Variants in SCN9A observed in about 807,000 individuals in gnomAD.
The protein encoded by SCN9A is sodium voltage-gated channel alpha subunit 9.
In SCN9A, 131 loss-of-function variants were observed where a neutral mutation model predicts 187.0. The observed-to-expected ratio is 0.70, with a 90% CI of 0.61 to 0.81. The LOEUF (loss-of-function observed/expected upper bound fraction) is 0.81, where lower values mean the gene tolerates loss of function less well. SCN9A is among the 30% of genes least tolerant of loss of function. SCN9A has a pLI of 0.00. For synonymous variants in SCN9A, 809 were observed against 808.6 expected, an observed-to-expected ratio of 1.00 and a Z score of -0.01; for missense variants, 2,252 against 2,396.6, an observed-to-expected ratio of 0.94 and a Z score of 1.26.
Position 166,199,530 on chromosome 2 carries a change from C to T in SCN9A, c.5109G>A (p.Leu1703=), listed in dbSNP as rs370267820. The change falls in exon 27 of 27, where the codon TTG becomes TTA. Residue 1703 remains leucine, a synonymous_variant. Coordinates refer to ENST00000642356, the MANE Select transcript of SCN9A (RefSeq NM_001365536.1). ...QITTSAGWDG[L]LAPILNSKPP... Reference sequence around the variant, plus strand: ...GCTTACTGTTAAGAATAGGTGCTAGCAATCCATCCCAGCCAGCAGAGGTTG... The same window carrying T: ...GCTTACTGTTAAGAATAGGTGCTAGTAATCCATCCCAGCCAGCAGAGGTTG... 2 of 1,614,188 alleles carry T rather than the reference C, an allele frequency of 1.2e-6. No individual in the cohort carries two copies. Among genetic ancestry groups the T allele is most frequent in the Admixed American group, 3.3e-5 (2 of 60,002 alleles).
chr2:166,349,126 A>AAAACAAACAAACAAAC (rs150473901), intron 1 of SCN9A, among the ~76,000 whole-genome samples: 1 of 150,260 alleles, frequency 6.7e-6, no homozygotes, highest in African/African-American at 2.5e-5. Flanking sequence ...AAACTCCGTC[A>AAAACAAACAAACAAAC]AAACAAACAA....
intron 24 of SCN9A, among the ~76,000 whole-genome samples, chr2:166,208,784 G>A (rs755240216): frequency 2.6e-4 from 40 of 152,326 alleles, no homozygotes; most frequent in Non-Finnish European, 5.6e-4. Flanking sequence ...AAAGCAGTAA[G>A]TGGCAACATT....
At chr2:166,245,960 T>C (rs1343937522) in intron 18 of SCN9A, among the ~76,000 whole-genome samples, 1 of 151,996 alleles carries the variant, frequency 6.6e-6, no homozygotes, top group Non-Finnish European at 1.5e-5. Context: ...TTGATCCAGT[T>C]GATATAAGGT....
chr2:166,212,738 GAA>G (rs1694152981), intron 24 of SCN9A, among the ~76,000 whole-genome samples: 1 of 152,162 alleles, frequency 6.6e-6, no homozygotes, highest in Admixed American at 6.5e-5. Flanking sequence ...ATCAGGTCAT[GAA>G]GTTTGTTTTG....
At chr2:166,258,169 G>A (rs965084021) in intron 17 of SCN9A, among the ~76,000 whole-genome samples, 3 of 151,292 alleles carry the variant, frequency 2.0e-5, no homozygotes, top group African/African-American at 7.3e-5. Context: ...CCCCATCCTA[G>A]AACTATTAAA....
chr2:166,242,767 C>G, intron 18 of SCN9A, 111 bp from the exon 19 acceptor site: 1 of 688,542 alleles, frequency 1.5e-6, no homozygotes, highest in Non-Finnish European at 2.3e-6. Context: ...CAAATAATTT[C>G]AACACCTATA....
rs1699598903 is a variant in SCN9A, at chr2:166,335,259, A to AACAACTCTAAACATAAACAAACT, written c.-50-23454_-50-23453insAGTTTGTTTATGTTTAGAGTTGT. ...AGTCACTCACAGGTACAAACTCATA[A>AACAACTCTAAACATAAACAAACT]CTAAACATAAACAAGAGTTGAGCCA... On this transcript the variant is annotated intron_variant, in intron 1 of 26. Transcript: ENST00000642356. Among the ~76,000 whole-genome samples, 10 of 152,000 alleles carry AACAACTCTAAACATAAACAAACT rather than the reference A, an allele frequency of 6.6e-5. No homozygotes were observed. The South Asian group carries it at 2.1e-3, about 32-fold the overall frequency.
chr2:166,346,052 GA>G (rs1699893335), intron 1 of SCN9A, among the ~76,000 whole-genome samples: 1 of 152,088 alleles, frequency 6.6e-6, no homozygotes. Context: ...TATGAATAAG[GA>G]ATGTCTCATT....
chr2:166,338,187 G>A (rs1403268929), intron 1 of SCN9A, among the ~76,000 whole-genome samples: 3 of 151,982 alleles, frequency 2.0e-5, no homozygotes, highest in Non-Finnish European at 4.4e-5. Flanking sequence ...AGCAGTTGTG[G>A]GAGTTGCCCT....
chr2:166,375,365 C>A (rs1436610335), intron 1 of SCN9A, among the ~76,000 whole-genome samples: 1 of 152,160 alleles, frequency 6.6e-6, no homozygotes, highest in Admixed American at 6.5e-5. Context: ...ACTCTGCTAG[C>A]GTAAACAGAA....
intron 26 of SCN9A, among the ~76,000 whole-genome samples, chr2:166,202,538 C>A (rs913961246): frequency 3.3e-5 from 5 of 151,718 alleles, no homozygotes; most frequent in Non-Finnish European, 7.4e-5. Flanking sequence ...TTATTACCCA[C>A]ACTACATAAA....
rs376655646 is a variant in SCN9A at position 166,251,919 on chromosome 2, C to A, written c.3352-34G>T. ...GAATTCACCACCCCACCAGGTAGTTCATTTAGAGTTCATTCAAATATGATA... is the reference window on the plus strand; with the variant it reads ...GAATTCACCACCCCACCAGGTAGTTAATTTAGAGTTCATTCAAATATGATA... On this transcript the variant is annotated intron_variant, in intron 17 of 26. Transcript: ENST00000642356. 1.7e-5 allele frequency: 27 copies of A among 1,608,872 alleles called. No individual in the cohort carries two copies. In the African/African-American group the frequency reaches 3.6e-4, roughly 22 times the overall value.
At chr2:166,209,676 C>A (rs770145813) in intron 24 of SCN9A, among the ~76,000 whole-genome samples, 1 of 152,068 alleles carries the variant, frequency 6.6e-6, no homozygotes, top group African/African-American at 2.4e-5. Context: ...CAAAAGAAGA[C>A]ATTTATGCAG....
At chr2:166,258,126 G>T (rs1184391908) in intron 17 of SCN9A, among the ~76,000 whole-genome samples, 2 of 151,346 alleles carry the variant, frequency 1.3e-5, no homozygotes, top group Non-Finnish European at 3.0e-5. Flanking sequence ...ATTATAAAAA[G>T]GAGTCAAGAT....
At position 166,233,425 on chromosome 2, in the gene SCN9A, T is replaced by TGGCCA; in HGVS notation, c.3838_3839insTGGCC (p.Tyr1280LeufsTer15). 6.3e-7 allele frequency: 1 copy of TGGCCA among 1,577,608 alleles called. No individual in the cohort carries two copies. The highest frequency in any genetic ancestry group is 2.3e-5 in the East Asian group (1 of 42,644). ...GGATTTAATGGGGCCAAGATCTGAG[T>TGGCCA]AGCCAAGAGTGTTTGCCACTAAAGT... On this transcript the variant is annotated frameshift_variant, in exon 21 of 27. Coordinates refer to ENST00000642356, the MANE Select transcript of SCN9A (RefSeq NM_001365536.1). LOFTEE classifies it high-confidence loss of function.
chr2:166,280,893 T>G (rs1030782000), intron 13 of SCN9A, among the ~76,000 whole-genome samples: 2 of 152,158 alleles, frequency 1.3e-5, no homozygotes. Flanking sequence ...GAGAACTATG[T>G]TTCCTTAACA....
Position 166,266,747 on chromosome 2 carries a change from TTA to T in SCN9A, c.3351+5650_3351+5651del, listed in dbSNP as rs561404985. On this transcript the variant is annotated intron_variant, in intron 17 of 26. Coordinates refer to ENST00000642356, the MANE Select transcript of SCN9A (RefSeq NM_001365536.1). Reference sequence around the variant, plus strand: ...CTCTTCAATTTCTCTCACCAATATTTTATAGTTTTCATTGTAAATATATTTCA... The same window carrying T: ...CTCTTCAATTTCTCTCACCAATATTTTAGTTTTCATTGTAAATATATTTCA... Among the ~76,000 whole-genome samples, 286 of 152,040 alleles carry T rather than the reference TTA, an allele frequency of 1.9e-3. 2 individuals carry two copies. Among genetic ancestry groups the T allele is most frequent in the Middle Eastern group, 6.8e-3 (2 of 294 alleles).
Position 166,303,189 on chromosome 2 carries a change from T to G in SCN9A, c.802A>C (p.Met268Leu). Reference protein sequence around the residue: ...VFALIGLQLFMGNLKHKCFRN... With the variant: ...VFALIGLQLFLGNLKHKCFRN... ...AAACATTTATGCTTCAGGTTTCCCATGAACAGCTGTAGTCCAATTAGTGCA... is the reference window on the plus strand; with the variant it reads ...AAACATTTATGCTTCAGGTTTCCCAGGAACAGCTGTAGTCCAATTAGTGCA... The change falls in exon 7 of 27, where the codon ATG (methionine) becomes CTG (leucine). Residue 268 changes from methionine to leucine, a missense_variant. Met to Leu is a conservative substitution (Grantham distance 15, BLOSUM62 2). This residue lies in a region of SCN9A where 1,013 missense variants were observed against 997.4 expected (regional missense o/e 1.02). Coordinates refer to ENST00000642356, the MANE Select transcript of SCN9A (RefSeq NM_001365536.1). 1 of 1,613,776 alleles carries G rather than the reference T, an allele frequency of 6.2e-7. No homozygotes were observed. The highest frequency in any genetic ancestry group is 8.5e-7 in the Non-Finnish European group (1 of 1,179,778).
chr2:166,271,601 A>C (rs1325392237), intron 17 of SCN9A, among the ~76,000 whole-genome samples: 1 of 152,078 alleles, frequency 6.6e-6, no homozygotes, highest in Non-Finnish European at 1.5e-5. Flanking sequence ...TCACTCCTGT[A>C]ATCTCAGCAA....
Sources: allele counts gnomAD v4.1 joint callset (sites outside exome capture counted in the v4.1 genomes callset), GRCh38; gene constraint gnomAD v4.1.1; regional missense constraint gnomAD v4.1.1; transcripts MANE v1.5; gene names NCBI Gene and HGNC (gene_info 2026-07-23, HGNC 2026-07-21).